The following AUTS2 variants were observed in gnomAD, a reference collection of about 807,000 sequenced individuals.
The protein encoded by AUTS2 is autism susceptibility gene 2 protein.
AUTS2 carries 17 observed loss-of-function variants against 112.4 expected under a neutral mutation model. The observed-to-expected ratio is 0.15, with a 90% CI of 0.10 to 0.23. The LOEUF is 0.23. AUTS2 is among the 10% of genes least tolerant of loss of function. AUTS2 has a pLI of 1.00. For synonymous variants in AUTS2, 751 were observed against 702.7 expected (o/e 1.07, Z -1.09); for missense variants, 1,510 against 1,701.6 (o/e 0.89, Z 1.98).
chr7:69,925,391 A>G (rs1181904679), intron 2 of AUTS2, among the ~76,000 whole-genome samples: 3 of 152,100 alleles, frequency 2.0e-5, no homozygotes, highest in Non-Finnish European at 4.4e-5. Flanking sequence ...CTATAAATTT[A>G]CCCCCAAATA....
At chr7:70,553,612 G>A (rs1482513052) in intron 5 of AUTS2, among the ~76,000 whole-genome samples, 2 of 151,990 alleles carry the variant, frequency 1.3e-5, no homozygotes, top group Non-Finnish European at 2.9e-5. Context: ...GTGAGAACAG[G>A]AAAGAGGTTT....
At chr7:70,690,066 G>C (rs1235120844) in intron 5 of AUTS2, among the ~76,000 whole-genome samples, 1 of 152,202 alleles carries the variant, frequency 6.6e-6, no homozygotes, top group African/African-American at 2.4e-5. Flanking sequence ...TGTTACTGAT[G>C]AAGGCCCCAA....
intron 5 of AUTS2, among the ~76,000 whole-genome samples, chr7:70,445,133 C>T (rs1370178985): frequency 6.6e-6 from 1 of 152,190 alleles, no homozygotes; most frequent in Admixed American, 6.5e-5. Context: ...CATACACCAT[C>T]GTTGACCATG....
At chr7:70,429,912 GA>G (rs1464044136) in intron 4 of AUTS2, among the ~76,000 whole-genome samples, 3 of 152,168 alleles carry the variant, frequency 2.0e-5, no homozygotes, top group Non-Finnish European at 4.4e-5. Flanking sequence ...TTTGGGAGTT[GA>G]GGGGGATTAG....
chr7:69,723,711 T>C (rs1799084180), intron 1 of AUTS2, among the ~76,000 whole-genome samples: 1 of 152,212 alleles, frequency 6.6e-6, no homozygotes, highest in African/African-American at 2.4e-5. Flanking sequence ...CTGCCTGCTA[T>C]GTTTAACTAG....
chr7:69,848,798 A>G (rs1297119006), intron 1 of AUTS2, among the ~76,000 whole-genome samples: 1 of 152,098 alleles, frequency 6.6e-6, no homozygotes, highest in Admixed American at 6.5e-5. Context: ...ACAACATTCA[A>G]TTGTCTGCAC....
At chr7:69,899,136 T>A (rs1269118903) in intron 1 of AUTS2, 150 bp from the exon 2 acceptor site, 5 of 615,408 alleles carry the variant, frequency 8.1e-6, no homozygotes, top group Non-Finnish European at 1.4e-5. Context: ...TGAGAAGCCA[T>A]GTTTCTTAGT....
chr7:70,361,625 C>G (rs73440739), intron 4 of AUTS2, among the ~76,000 whole-genome samples: 2,343 of 152,142 alleles, frequency 0.015, 78 homozygotes, highest in African/African-American at 0.054. Flanking sequence ...AGCAGCACCC[C>G]AAAAGTGCTA....
chr7:70,463,744 T>G lies in AUTS2; in HGVS notation c.690+27963T>G, dbSNP rs530089561. On this transcript the variant is annotated intron_variant, in intron 5 of 18. Coordinates refer to ENST00000342771, the MANE Select transcript of AUTS2 (RefSeq NM_015570.4). The stretch of plus-strand genomic sequence containing the variant: ...CCTCCCACCTTTGTTCTTGTGTGTT[T>G]GCTGAGTAATTAATCTCATTGTGCT... Among the ~76,000 whole-genome samples the G allele has an allele frequency of 6.6e-5, 10 of 152,338 alleles. No individual in the cohort carries two copies. The South Asian group carries it at 2.1e-3, about 32-fold the overall frequency.
chr7:70,501,575 A>G (rs1387778091), intron 5 of AUTS2, among the ~76,000 whole-genome samples: 1 of 152,114 alleles, frequency 6.6e-6, no homozygotes, highest in African/African-American at 2.4e-5. Context: ...CCCTTTCACC[A>G]TCACAGGCCT....
At chr7:70,009,456 A>C (rs1184341619) in intron 2 of AUTS2, among the ~76,000 whole-genome samples, 1 of 152,210 alleles carries the variant, frequency 6.6e-6, no homozygotes, top group Non-Finnish European at 1.5e-5. Context: ...GACTACAAAT[A>C]ATATTGGTTA....
chr7:70,361,142 A>C (rs1792242182), intron 4 of AUTS2, among the ~76,000 whole-genome samples: 1 of 152,088 alleles, frequency 6.6e-6, no homozygotes, highest in Admixed American at 6.5e-5. Flanking sequence ...TCAGGAGATC[A>C]AAACCACAGT....
intron 4 of AUTS2, among the ~76,000 whole-genome samples, chr7:70,137,795 A>C (rs1489163002): frequency 6.6e-6 from 1 of 152,204 alleles, no homozygotes. Flanking sequence ...TGTGTGATGG[A>C]GCAAAGTTGG....
At chr7:69,863,434 C>A (rs1317784283) in intron 1 of AUTS2, among the ~76,000 whole-genome samples, 1 of 152,034 alleles carries the variant, frequency 6.6e-6, no homozygotes, top group Non-Finnish European at 1.5e-5. Flanking sequence ...TGGAACCAAT[C>A]CCCCACAGAT....
intron 5 of AUTS2, among the ~76,000 whole-genome samples, chr7:70,624,810 A>C (rs533068887): frequency 1.4e-4 from 22 of 152,362 alleles, no homozygotes; most frequent in Admixed American, 3.9e-4. Flanking sequence ...TGGGGTGTAG[A>C]GATAGGAAAG....
At chr7:70,707,377 G>C (rs533820258) in intron 6 of AUTS2, among the ~76,000 whole-genome samples, 2 of 152,136 alleles carry the variant, frequency 1.3e-5, no homozygotes. Flanking sequence ...CCAAGGTCGC[G>C]CACCTAGTAA....
At chr7:70,061,807 G>C (rs1397323851) in intron 2 of AUTS2, among the ~76,000 whole-genome samples, 1 of 150,894 alleles carries the variant, frequency 6.6e-6, no homozygotes, top group Admixed American at 6.6e-5. Context: ...CTCCCCCGGA[G>C]ACGGAGTTTC....
At chr7:70,675,775 C>G (rs1185240331) in intron 5 of AUTS2, among the ~76,000 whole-genome samples, 1 of 152,174 alleles carries the variant, frequency 6.6e-6, no homozygotes, top group Non-Finnish European at 1.5e-5. Flanking sequence ...CACAGAACGG[C>G]GTCTGGGTTG....
chr7:69,754,462 G>A (rs1054984283), intron 1 of AUTS2, among the ~76,000 whole-genome samples: 1 of 152,146 alleles, frequency 6.6e-6, no homozygotes, highest in African/African-American at 2.4e-5. Flanking sequence ...GGGATTTGTT[G>A]CAGGCTGTTA....
Sources: allele counts gnomAD v4.1 joint callset (sites outside exome capture counted in the v4.1 genomes callset), GRCh38; gene constraint gnomAD v4.1.1; transcripts MANE v1.5; gene names NCBI Gene and HGNC (gene_info 2026-07-23, HGNC 2026-07-21).